Variants in CDH20 observed in about 807,000 individuals in gnomAD.
The protein encoded by CDH20 is cadherin 20, also known as cadherin-20.
In CDH20, 29 loss-of-function variants were observed where a neutral mutation model predicts 74.2. The observed-to-expected ratio is 0.39, with a 90% CI of 0.29 to 0.53. The LOEUF (loss-of-function observed/expected upper bound fraction) is 0.53. CDH20 is among the 20% of genes least tolerant of loss of function. The pLI, the probability that CDH20 is intolerant of heterozygous loss-of-function variation, is 0.69. For missense variants in CDH20, 988 were observed against 1,048.3 expected (o/e 0.94, Z 0.79); for synonymous variants, 469 against 405.4 (o/e 1.16, Z -1.88).
rs190276025 is a variant in CDH20 at position 61,419,942 on chromosome 18, C to G, written c.-152-70460C>G. On this transcript the variant is annotated intron_variant, in intron 1 of 11. Coordinates refer to ENST00000262717, the MANE Select transcript of CDH20 (RefSeq NM_031891.4). ...AAGAAATGAGCTTTTCTGCCCTCCC[C>G]CACCCCACCAAAATACACAGGCATG... 8.1e-4 allele frequency among the ~76,000 whole-genome samples: 124 copies of G among 152,244 alleles called. 2 individuals are homozygous for G. The highest frequency in any genetic ancestry group is 5.1e-4 in the Non-Finnish European group (35 of 68,016).
At chr18:61,377,440 C>T (rs139893415) in intron 1 of CDH20, among the ~76,000 whole-genome samples, 166 of 151,758 alleles carry the variant, frequency 1.1e-3, no homozygotes, top group African/African-American at 3.9e-3. Flanking sequence ...GTATCTTGTT[C>T]AGGTTTCATC....
intron 6 of CDH20, among the ~76,000 whole-genome samples, chr18:61,514,272 T>C (rs1458835235): frequency 3.3e-5 from 5 of 152,164 alleles, no homozygotes; most frequent in Non-Finnish European, 5.9e-5. Context: ...GCTGATACCC[T>C]TTCTTCCAGT....
At chr18:61,452,208 A>C (rs756333368) in intron 1 of CDH20, among the ~76,000 whole-genome samples, 30 of 152,266 alleles carry the variant, frequency 2.0e-4, no homozygotes, top group Non-Finnish European at 4.1e-4. Context: ...ATTCATTTCC[A>C]GTCTTCATAA....
intron 1 of CDH20, among the ~76,000 whole-genome samples, chr18:61,478,518 C>T (rs192206031): frequency 2.9e-4 from 44 of 152,146 alleles, no homozygotes; most frequent in East Asian, 1.5e-3. Context: ...ATACTGGGAA[C>T]GCAGTATTAT....
Position 61,404,771 on chromosome 18 carries a change from T to C in CDH20, c.-153+70944T>C, listed in dbSNP as rs565362486. ...CTTGGCAGTTAAAAAAATGGAACATTTGTTTAATTAAAAAAAAATTGTCAA... is the reference window on the plus strand; with the variant it reads ...CTTGGCAGTTAAAAAAATGGAACATCTGTTTAATTAAAAAAAAATTGTCAA... On this transcript the variant is annotated intron_variant, in intron 1 of 11. Coordinates refer to ENST00000262717, the MANE Select transcript of CDH20 (RefSeq NM_031891.4). 84 of 334,204 alleles carry C rather than the reference T, an allele frequency of 2.5e-4. 1 individual carries two copies. The highest frequency in any genetic ancestry group is 2.5e-3 in the South Asian group (70 of 27,934). The allele number at this position is 334,204 out of a possible 1,614,324, so 20.7% of individuals were successfully genotyped here.
intron 1 of CDH20, among the ~76,000 whole-genome samples, chr18:61,474,046 T>C (rs2144388042): frequency 6.6e-6 from 1 of 152,320 alleles, no homozygotes; most frequent in Middle Eastern, 3.4e-3. Context: ...TTCTAGTGTT[T>C]GTAAAAGACC....
chr18:61,513,984 T>A (rs1386823752), intron 6 of CDH20, among the ~76,000 whole-genome samples: 1 of 151,962 alleles, frequency 6.6e-6, no homozygotes, highest in Non-Finnish European at 1.5e-5. Flanking sequence ...TGTCTTGGAG[T>A]TGCTCTTCTC....
At chr18:61,438,460 A>G (rs1198192889) in intron 1 of CDH20, among the ~76,000 whole-genome samples, 1 of 152,176 alleles carries the variant, frequency 6.6e-6, no homozygotes, top group Non-Finnish European at 1.5e-5. Flanking sequence ...GGTTACCTTT[A>G]AAGAATAAAT....
Position 61,466,010 on chromosome 18 carries a change from T to C in CDH20, c.-152-24392T>C, listed in dbSNP as rs368674157. Among the ~76,000 whole-genome samples, 44 of 151,620 alleles carry C rather than the reference T, an allele frequency of 2.9e-4. No individual in the cohort carries two copies. The East Asian group carries it at 4.7e-3, about 16-fold the overall frequency. On this transcript the variant is annotated intron_variant, in intron 1 of 11. Transcript: ENST00000262717. ...AGGTGGTTGAGGCTGCAGTGAGCCA[T>C]GATTGTGCCACTGCACTCCAGCCTA...
intron 1 of CDH20, chr18:61,404,780 TA>T (rs79343250): frequency 0.32 from 104,740 of 323,358 alleles, 18,490 homozygotes; most frequent in Admixed American, 0.41. Flanking sequence ...TTTGTTTAAT[TA>T]AAAAAAAATT....
chr18:61,374,970 G>C (rs1271835604), intron 1 of CDH20, among the ~76,000 whole-genome samples: 1 of 152,170 alleles, frequency 6.6e-6, no homozygotes, highest in Non-Finnish European at 1.5e-5. Context: ...AAAAAGATTA[G>C]ATTAGTTGAA....
At chr18:61,529,726 C>T (rs951216114) in intron 7 of CDH20, among the ~76,000 whole-genome samples, 5 of 152,116 alleles carry the variant, frequency 3.3e-5, no homozygotes, top group African/African-American at 1.2e-4. Context: ...TTAATCTATT[C>T]CTGTAACAAA....
intron 1 of CDH20, among the ~76,000 whole-genome samples, chr18:61,339,390 C>CAT (rs919153487): frequency 9.0e-4 from 132 of 147,480 alleles, no homozygotes; most frequent in African/African-American, 2.4e-3. Context: ...CACACACACA[C>CAT]ATATATATTG....
Position 61,554,839 on chromosome 18 carries a change from A to G in CDH20, c.*144A>G. The G allele has an allele frequency of 7.0e-7, 1 of 1,422,420 alleles. No individual in the cohort carries two copies. The highest frequency in any genetic ancestry group is 1.4e-5 in the African/African-American group (1 of 69,300). The allele number at this position is 1,422,420 out of a possible 1,614,324, so 88.1% of individuals were successfully genotyped here. A position where few individuals can be genotyped will look rare whatever the true frequency, so the allele number is the denominator to read the frequency against. On this transcript the variant is annotated 3_prime_UTR_variant, in exon 12 of 12. Coordinates refer to ENST00000262717, the MANE Select transcript of CDH20 (RefSeq NM_031891.4). ...AGGCGAACAGAGCTCTCTCTGGATCAGCTTTACTTGGGTAGATTAAGTTAA... is the reference window on the plus strand; with the variant it reads ...AGGCGAACAGAGCTCTCTCTGGATCGGCTTTACTTGGGTAGATTAAGTTAA...
chr18:61,555,090 G>T lies in CDH20; in HGVS notation c.*395G>T. 2 of 1,034,228 alleles carry T rather than the reference G, an allele frequency of 1.9e-6. No homozygotes were observed. The highest frequency in any genetic ancestry group is 2.3e-6 in the Non-Finnish European group (2 of 861,352). The allele number at this position is 1,034,228 out of a possible 1,614,324, so 64.1% of individuals were successfully genotyped here. The stretch of plus-strand genomic sequence containing the variant: ...ATTGAAAGCAGAAAGTTCTACTCTC[G>T]TATCTGTTTTTTATCTTATCTTATT... On this transcript the variant is annotated 3_prime_UTR_variant, in exon 12 of 12. Transcript: ENST00000262717.
intron 6 of CDH20, among the ~76,000 whole-genome samples, chr18:61,517,712 T>TGTTG (rs1311148104): frequency 9.0e-5 from 2 of 22,294 alleles, no homozygotes; most frequent in African/African-American, 1.2e-4. Flanking sequence ...TTGTTGTTGT[T>TGTTG]TTGTTTTGTT....
At chr18:61,538,578 C>CTTTGTTTTTTTTTTTTTTTTTTT in intron 8 of CDH20, among the ~76,000 whole-genome samples, 2 of 34,990 alleles carry the variant, frequency 5.7e-5, no homozygotes, top group Non-Finnish European at 1.5e-4. Flanking sequence ...TAAATAACTA[C>CTTTGTTTTTTTTTTTTTTTTTTT]TTTTTGTTTG....
intron 5 of CDH20, among the ~76,000 whole-genome samples, chr18:61,505,856 C>G (rs2144327669): frequency 6.6e-6 from 1 of 152,314 alleles, no homozygotes; most frequent in African/African-American, 2.4e-5. Context: ...TTTGCATTCT[C>G]TCTTCATTAA....
At chr18:61,553,818 C>T (rs1913520934) in intron 11 of CDH20, among the ~76,000 whole-genome samples, 1 of 152,102 alleles carries the variant, frequency 6.6e-6, no homozygotes, top group African/African-American at 2.4e-5. Context: ...AAACAGAGCA[C>T]GTGATCTGGT....
Sources: allele counts gnomAD v4.1 joint callset (sites outside exome capture counted in the v4.1 genomes callset), GRCh38; gene constraint gnomAD v4.1.1; transcripts MANE v1.5; gene names NCBI Gene and HGNC (gene_info 2026-07-23, HGNC 2026-07-21).